SNX9: variants seen among roughly 807,000 people sequenced by gnomAD.
The protein encoded by SNX9 is sorting nexin 9.
In SNX9, 44 loss-of-function variants were observed where a neutral mutation model predicts 89.4. The ratio of observed to expected loss-of-function variants is 0.49; its 90% CI spans 0.39 to 0.63. The LOEUF is 0.63. SNX9 is among the 30% of genes least tolerant of loss of function. The probability of loss-of-function intolerance (pLI) is 0.00; values close to 1 mark genes in which losing one functional copy is unlikely to be tolerated. For synonymous variants in SNX9, 236 were observed against 247.8 expected, an observed-to-expected ratio of 0.95 and a Z score of 0.45; for missense variants, 578 against 736.1, an observed-to-expected ratio of 0.79 and a Z score of 2.49.
chr6:157,823,683 G>A lies in SNX9; in HGVS notation c.12+237G>A, dbSNP rs1302347036. ...CCGGGGGACGGCGTCGGGTCTGGGC[G>A]CGGGTTGGGACCCCGGGCGCAGCGA... On this transcript the variant is annotated intron_variant, in intron 1 of 17. Transcript: ENST00000392185. This position sits in a 1 kb window ranked among gnomAD's most constrained non-coding sequence, Gnocchi z 4.6. Among the ~76,000 whole-genome samples the A allele has an allele frequency of 6.6e-6, 1 of 151,942 alleles. No individual in the cohort carries two copies. Among genetic ancestry groups the A allele is most frequent in the Admixed American group, 6.6e-5 (1 of 15,262 alleles).
intron 1 of SNX9, among the ~76,000 whole-genome samples, chr6:157,860,768 G>C (rs1174468839): frequency 6.6e-6 from 1 of 152,234 alleles, no homozygotes; most frequent in Non-Finnish European, 1.5e-5. Flanking sequence ...ACTACAGAGA[G>C]AGGGAGAGCA....
At chr6:157,895,319 T>C (rs1255208671) in intron 4 of SNX9, among the ~76,000 whole-genome samples, 1 of 152,206 alleles carries the variant, frequency 6.6e-6, no homozygotes, top group Non-Finnish European at 1.5e-5. Context: ...GTCTGGGTTG[T>C]AAATCAGAGT....
rs192059825 is a variant in SNX9 at position 157,826,926 on chromosome 6, A to G, written c.12+3480A>G. Among the ~76,000 whole-genome samples the G allele has an allele frequency of 2.1e-4, 20 of 95,550 alleles. 6 individuals are homozygous for G. The highest frequency in any genetic ancestry group is 1.1e-3 in the African/African-American group (19 of 17,038). The allele number at this position is 95,550 out of a possible 152,430, so 62.7% of individuals were successfully genotyped here. On this transcript the variant is annotated intron_variant, in intron 1 of 17. Coordinates refer to ENST00000392185, the MANE Select transcript of SNX9 (RefSeq NM_016224.5). ...TTATATAATATATAAAATATATTAT[A>G]GTTTATATAATATATAAAATATATT...
intron 1 of SNX9, among the ~76,000 whole-genome samples, chr6:157,863,918 C>T (rs748857048): frequency 7.2e-5 from 11 of 152,094 alleles, no homozygotes; most frequent in Non-Finnish European, 1.2e-4. Context: ...CTTTTTTCTC[C>T]AAAATTATTC....
intron 1 of SNX9, among the ~76,000 whole-genome samples, chr6:157,847,839 C>T (rs1781833893): frequency 6.6e-6 from 1 of 152,162 alleles, no homozygotes; most frequent in Non-Finnish European, 1.5e-5. Flanking sequence ...AGCAGGGAAG[C>T]CCTGTTGAAA....
intron 13 of SNX9, among the ~76,000 whole-genome samples, chr6:157,935,091 T>C (rs1256865745): frequency 6.6e-6 from 1 of 152,226 alleles, no homozygotes; most frequent in Non-Finnish European, 1.5e-5. Flanking sequence ...TTTTGGAGAA[T>C]GGTGGTGGAT....
chr6:157,915,623 T>TAAAAAAAA (rs1172699831), intron 9 of SNX9, among the ~76,000 whole-genome samples: 6 of 71,254 alleles, frequency 8.4e-5, no homozygotes, highest in South Asian at 9.0e-4. Context: ...CCATCTCTAC[T>TAAAAAAAA]AAAAAAAAAA....
intron 1 of SNX9, among the ~76,000 whole-genome samples, chr6:157,857,076 T>C (rs1348144870): frequency 6.6e-6 from 1 of 152,250 alleles, no homozygotes; most frequent in Non-Finnish European, 1.5e-5. Context: ...GTTGTCAAAA[T>C]GAATTCATTT....
At chr6:157,930,670 T>C (rs1334896581) in intron 12 of SNX9, among the ~76,000 whole-genome samples, 2 of 152,218 alleles carry the variant, frequency 1.3e-5, no homozygotes, top group East Asian at 3.8e-4. Flanking sequence ...GAGAATCTAA[T>C]GCCTGATAAT....
At position 157,872,852 on chromosome 6, in the gene SNX9, C is replaced by G. The variant is rs116432244; in HGVS notation, c.100-250C>G. ...AGTACACAGACAAGATGAGGGTCAT[C>G]TAATCATCAGCTGTTTTCAATCTTT... On this transcript the variant is annotated intron_variant, in intron 2 of 17. Transcript: ENST00000392185. 3.9e-3 allele frequency: 1,240 copies of G among 314,924 alleles called. 15 individuals are homozygous for G. The highest frequency in any genetic ancestry group is 0.025 in the African/African-American group (1,144 of 46,596). The allele number at this position is 314,924 out of a possible 1,614,324, so 19.5% of individuals were successfully genotyped here.
In SNX9 at chr6:157,940,932, C is replaced by T. The variant is rs1391792645; in HGVS notation, c.1698C>T (p.Val566=). ...HSNRIYDYNS[V]IRLYLEQQVQ... ...ACCGGATCTATGATTACAACAGTGT[C>T]ATCCGCCTGTACCTGGAGCAGCAAG... The change falls in exon 17 of 18, where the codon GTC becomes GTT. Residue 566 remains valine, a synonymous_variant. Transcript: ENST00000392185. 3.1e-6 allele frequency: 5 copies of T among 1,614,082 alleles called. No homozygotes were observed. Among genetic ancestry groups the T allele is most frequent in the Admixed American group, 3.3e-5 (2 of 60,014 alleles).
intron 2 of SNX9, among the ~76,000 whole-genome samples, chr6:157,869,194 T>G (rs1453736277): frequency 6.6e-6 from 1 of 152,154 alleles, no homozygotes; most frequent in African/African-American, 2.4e-5. Context: ...GTCCCTCCCC[T>G]CTCTGCCTCA....
chr6:157,892,279 G>A (rs1202196300), intron 4 of SNX9, among the ~76,000 whole-genome samples: 1 of 152,166 alleles, frequency 6.6e-6, no homozygotes, highest in Admixed American at 6.5e-5. Flanking sequence ...GGGAAGGATG[G>A]GTTCAGAGAG....
intron 1 of SNX9, among the ~76,000 whole-genome samples, chr6:157,861,356 C>T (rs1244747316): frequency 1.3e-5 from 2 of 152,192 alleles, no homozygotes; most frequent in Non-Finnish European, 2.9e-5. Context: ...CCCCTTGGAG[C>T]TTCTTATCTG....
chr6:157,895,563 G>T (rs952529086), intron 4 of SNX9, among the ~76,000 whole-genome samples: 1 of 151,902 alleles, frequency 6.6e-6, no homozygotes, highest in African/African-American at 2.4e-5. Context: ...TGGAGACAAT[G>T]TGAAAGAATA....
At chr6:157,934,852 C>T (rs1186118361) in intron 13 of SNX9, among the ~76,000 whole-genome samples, 1 of 152,174 alleles carries the variant, frequency 6.6e-6, no homozygotes, top group East Asian at 1.9e-4. Flanking sequence ...GTTACCCAAT[C>T]CAGTAGCAAG....
intron 17 of SNX9, among the ~76,000 whole-genome samples, chr6:157,941,715 A>G (rs1259138026): frequency 6.6e-6 from 1 of 152,198 alleles, no homozygotes; most frequent in Non-Finnish European, 1.5e-5. Flanking sequence ...TACTGGTGGC[A>G]TCTGCGAGCT....
intron 5 of SNX9, among the ~76,000 whole-genome samples, chr6:157,899,096 G>A (rs1481197067): frequency 1.3e-5 from 2 of 151,904 alleles, no homozygotes; most frequent in Non-Finnish European, 2.9e-5. Flanking sequence ...GGAAGGAGAA[G>A]GAGGAGAGCC....
At chr6:157,874,470 G>C (rs1782479648) in intron 3 of SNX9, 1 of 152,130 alleles carries the variant, frequency 6.6e-6, no homozygotes, top group Non-Finnish European at 1.5e-5. Flanking sequence ...GATATTCTTG[G>C]GTTTGCTTAC....
Sources: gnomAD v4.1 joint callset for allele counts (sites outside exome capture counted in the v4.1 genomes callset) on GRCh38, gnomAD v4.1.1 for gene constraint, Gnocchi (gnomAD v3.1) non-coding constraint, MANE v1.5 for transcripts, NCBI Gene and HGNC (gene_info 2026-07-23, HGNC 2026-07-21) for gene names.